MALRD1: variants seen among roughly 807,000 people sequenced by gnomAD.
MALRD1 encodes the protein MAM and LDL receptor class A domain containing 1, also known as MAM and LDL-receptor class A domain-containing protein 1.
MALRD1 carries 247 observed loss-of-function variants against 242.1 expected under a neutral mutation model. That is an observed-to-expected ratio of 1.02 (90% CI 0.92 to 1.13). The LOEUF (loss-of-function observed/expected upper bound fraction) is 1.13, where lower values mean the gene tolerates loss of function less well. Among genes scored for constraint, MALRD1 ranks in the 50% most tolerant of loss-of-function variants. The probability of loss-of-function intolerance (pLI) is 0.00; values close to 1 mark genes in which losing one functional copy is unlikely to be tolerated. For missense variants in MALRD1, 2,989 were observed against 2,533.1 expected (o/e 1.18, Z -3.86); for synonymous variants, 995 against 866.6 (o/e 1.15, Z -2.60).
At chr10:19,240,174 G>A (rs143918130) in intron 18 of MALRD1, among the ~76,000 whole-genome samples, 35 of 152,100 alleles carry the variant, frequency 2.3e-4, no homozygotes, top group African/African-American at 8.2e-4. Flanking sequence ...TTCCATCAGT[G>A]TGTTATAGTT....
intron 32 of MALRD1, among the ~76,000 whole-genome samples, chr10:19,544,795 C>T (rs1401326663): frequency 6.6e-6 from 1 of 151,916 alleles, no homozygotes. Flanking sequence ...ATGACCATGA[C>T]CTCTCTTCAG....
chr10:19,476,772 C>G (rs1002883985), intron 29 of MALRD1, among the ~76,000 whole-genome samples: 7 of 152,120 alleles, frequency 4.6e-5, no homozygotes, highest in African/African-American at 1.7e-4. Flanking sequence ...TTACAACACT[C>G]TAATTATGTT....
rs1047000671 is a variant in MALRD1, at chr10:19,210,791, C to T, written c.2991+1111C>T. 3.3e-5 allele frequency among the ~76,000 whole-genome samples: 5 copies of T among 152,114 alleles called. No individual in the cohort carries two copies. The East Asian group carries it at 5.8e-4, about 18-fold the overall frequency. On this transcript the variant is annotated intron_variant, in intron 18 of 39. Transcript: ENST00000454679. ...TAGATATAAACCGAAAGCATGAGAA[C>T]GAATCCCCCATCTATAGTGTGGCAT... is the stretch of plus-strand genomic sequence containing the variant.
At chr10:19,494,488 G>A (rs769573958) in intron 30 of MALRD1, among the ~76,000 whole-genome samples, 1 of 152,092 alleles carries the variant, frequency 6.6e-6, no homozygotes, top group Non-Finnish European at 1.5e-5. Flanking sequence ...AAATACTATT[G>A]AGATTCAGGA....
At chr10:19,495,428 G>A (rs1375441132) in intron 30 of MALRD1, among the ~76,000 whole-genome samples, 2 of 151,216 alleles carry the variant, frequency 1.3e-5, no homozygotes, top group Non-Finnish European at 2.9e-5. Flanking sequence ...GAAAAATTGG[G>A]GGCCTATATT....
At chr10:19,354,113 CTTG>C (rs1844519069) in intron 26 of MALRD1, among the ~76,000 whole-genome samples, 1 of 151,888 alleles carries the variant, frequency 6.6e-6, no homozygotes, top group Non-Finnish European at 1.5e-5. Flanking sequence ...ACAAACCAAT[CTTG>C]TTGGGGATTT....
At chr10:19,077,526 G>A (rs1159696706) in intron 2 of MALRD1, among the ~76,000 whole-genome samples, 1 of 151,902 alleles carries the variant, frequency 6.6e-6, no homozygotes, top group African/African-American at 2.4e-5. Context: ...TGATTCAAGA[G>A]TTTGGAGTTC....
intron 18 of MALRD1, among the ~76,000 whole-genome samples, chr10:19,216,961 A>ATC (rs1837346531): frequency 4.8e-5 from 1 of 20,984 alleles, no homozygotes. Flanking sequence ...AAAAAAAATA[A>ATC]AAATAAAATA....
chr10:19,675,662 C>G (rs1389477071), intron 36 of MALRD1, among the ~76,000 whole-genome samples: 1 of 152,118 alleles, frequency 6.6e-6, no homozygotes, highest in Non-Finnish European at 1.5e-5. Flanking sequence ...AATATATGTA[C>G]TCCAAAAAAG....
intron 5 of MALRD1, among the ~76,000 whole-genome samples, chr10:19,116,993 G>C (rs1241172928): frequency 6.6e-6 from 1 of 151,896 alleles, no homozygotes; most frequent in Non-Finnish European, 1.5e-5. Flanking sequence ...TACTGGGGAG[G>C]CTGAGGCAGG....
chr10:19,078,977 T>G (rs937105604), intron 2 of MALRD1, among the ~76,000 whole-genome samples: 4 of 151,558 alleles, frequency 2.6e-5, no homozygotes, highest in African/African-American at 9.7e-5. Flanking sequence ...GTTTCTTAAT[T>G]TTTTTATTGT....
chr10:19,361,061 GCTC>G (rs1436027202), intron 26 of MALRD1, among the ~76,000 whole-genome samples: 1 of 151,974 alleles, frequency 6.6e-6, no homozygotes, highest in East Asian at 1.9e-4. Flanking sequence ...TCTGCTATTT[GCTC>G]CTCAACAGCC....
chr10:19,186,352 G>T (rs142615767), intron 14 of MALRD1, among the ~76,000 whole-genome samples: 16 of 152,278 alleles, frequency 1.1e-4, no homozygotes, highest in African/African-American at 3.8e-4. Flanking sequence ...ATGAAATCAA[G>T]AAGTGGAGAA....
At chr10:19,132,320 A>G (rs943288428) in intron 8 of MALRD1, among the ~76,000 whole-genome samples, 4 of 152,208 alleles carry the variant, frequency 2.6e-5, no homozygotes, top group Admixed American at 1.3e-4. Flanking sequence ...GCTTGTCTCA[A>G]CTTTTTATAA....
intron 29 of MALRD1, among the ~76,000 whole-genome samples, chr10:19,471,793 T>G (rs1341580352): frequency 6.6e-6 from 1 of 151,832 alleles, no homozygotes; most frequent in Non-Finnish European, 1.5e-5. Context: ...TTTACAAAAT[T>G]TGTTTAATAA....
At position 19,182,577 on chromosome 10, in the gene MALRD1, G is replaced by T. The variant is rs1835558188; in HGVS notation, c.1951+7249G>T. 2.6e-5 allele frequency among the ~76,000 whole-genome samples: 4 copies of T among 151,724 alleles called. No homozygotes were observed. The South Asian group carries it at 8.3e-4, about 32-fold the overall frequency. ...GATCTCCTGACCTCGTAATCCGTCC[G>T]CCTCAGCCTCCCAAAGTGCTGGGAT... On this transcript the variant is annotated intron_variant, in intron 14 of 39. Coordinates refer to ENST00000454679, the MANE Select transcript of MALRD1 (RefSeq NM_001142308.3).
Position 19,063,146 on chromosome 10 carries a change from C to CCT in MALRD1, c.200-3572_200-3571insTC, listed in dbSNP as rs1305801770. On this transcript the variant is annotated intron_variant, in intron 1 of 39. Coordinates refer to ENST00000454679, the MANE Select transcript of MALRD1 (RefSeq NM_001142308.3). ...AGGTGACAGAGCAAGACCCTGTCCC[C>CCT]CCCCCAAAAAAAAAGTTTATGTAAT... Among the ~76,000 whole-genome samples, 25 of 151,616 alleles carry CCT rather than the reference C, an allele frequency of 1.6e-4. No individual in the cohort carries two copies. The South Asian group carries it at 2.7e-3, about 16-fold the overall frequency.
At chr10:19,167,078 G>T (rs1476201917) in intron 13 of MALRD1, among the ~76,000 whole-genome samples, 2 of 152,188 alleles carry the variant, frequency 1.3e-5, no homozygotes, top group Admixed American at 6.5e-5. Flanking sequence ...CAAGTTAAAG[G>T]GTTGGGGGTG....
At chr10:19,588,882 A>G (rs1837598824) in intron 33 of MALRD1, among the ~76,000 whole-genome samples, 1 of 152,208 alleles carries the variant, frequency 6.6e-6, no homozygotes, top group South Asian at 2.1e-4. Context: ...ACCTCAAGTC[A>G]TCCGACCGCC....
Sources: gnomAD v4.1 joint callset for allele counts (sites outside exome capture counted in the v4.1 genomes callset) on GRCh38, gnomAD v4.1.1 for gene constraint, MANE v1.5 for transcripts, NCBI Gene and HGNC (gene_info 2026-07-23, HGNC 2026-07-21) for gene names.